The following LAMC3 variants were observed in gnomAD, a reference collection of about 807,000 sequenced individuals.
LAMC3 encodes the protein laminin subunit gamma-3.
In LAMC3, 128 loss-of-function variants were observed where a neutral mutation model predicts 173.8. The ratio of observed to expected loss-of-function variants is 0.74; its 90% CI spans 0.64 to 0.85. The LOEUF (loss-of-function observed/expected upper bound fraction) is 0.85. LAMC3 is among the 40% of genes least tolerant of loss of function. The pLI is 0.00. For synonymous variants in LAMC3, 897 were observed against 909.1 expected, an observed-to-expected ratio of 0.99 and a Z score of 0.24; for missense variants, 2,022 against 2,156.0, an observed-to-expected ratio of 0.94 and a Z score of 1.23.
At chr9:131,023,612 G>GT (rs1353622965) in intron 1 of LAMC3, among the ~76,000 whole-genome samples, 2 of 152,024 alleles carry the variant, frequency 1.3e-5, no homozygotes, top group East Asian at 1.9e-4. Context: ...TGCCATTTTT[G>GT]TTTTTTCTTT....
At chr9:131,034,459 G>C (rs961615448) in intron 3 of LAMC3, among the ~76,000 whole-genome samples, 1 of 152,256 alleles carries the variant, frequency 6.6e-6, no homozygotes, top group Non-Finnish European at 1.5e-5. Context: ...AGCGGTTGGT[G>C]ATTCGTCAAC....
At chr9:131,019,451 T>A (rs1038188515) in intron 1 of LAMC3, among the ~76,000 whole-genome samples, 13 of 152,130 alleles carry the variant, frequency 8.5e-5, no homozygotes, top group African/African-American at 2.4e-4. Context: ...GAGTTTATAA[T>A]CCAGTGAGAG....
chr9:131,065,905 A>G (rs1829924423), intron 13 of LAMC3, among the ~76,000 whole-genome samples: 1 of 150,084 alleles, frequency 6.7e-6, no homozygotes, highest in Non-Finnish European at 1.5e-5. Context: ...GATGATGAAG[A>G]TGATGGTCAG....
At chr9:131,019,325 T>C (rs1024174158) in intron 1 of LAMC3, among the ~76,000 whole-genome samples, 1 of 152,200 alleles carries the variant, frequency 6.6e-6, no homozygotes, top group African/African-American at 2.4e-5. Context: ...TAACCTCCCC[T>C]TGGGGCAGGT....
Position 131,076,268 on chromosome 9 carries a change from C to T in LAMC3, c.3629+303C>T, listed in dbSNP as rs890761190. Among the ~76,000 whole-genome samples the T allele has an allele frequency of 3.9e-5, 6 of 152,272 alleles. No homozygotes were observed. The East Asian group carries it at 9.7e-4, about 25-fold the overall frequency. The stretch of plus-strand genomic sequence containing the variant: ...CTCCTTCTGCCGCATTCCCTGACCC[C>T]CCTGGCCCCGGCGCCCCAGCCCAGG... On this transcript the variant is annotated intron_variant, in intron 21 of 27. Coordinates refer to ENST00000361069, the MANE Select transcript of LAMC3 (RefSeq NM_006059.4).
chr9:131,061,966 G>A (rs1829835548), intron 13 of LAMC3, among the ~76,000 whole-genome samples: 1 of 152,190 alleles, frequency 6.6e-6, no homozygotes, highest in Non-Finnish European at 1.5e-5. Context: ...TGGGAGGATG[G>A]TTTGAGCCCG....
chr9:131,045,231 A>AAC (rs1554786032), intron 7 of LAMC3, among the ~76,000 whole-genome samples: 5 of 117,786 alleles, frequency 4.2e-5, no homozygotes, highest in African/African-American at 7.5e-5. Context: ...CAAAAAAAAA[A>AAC]AAAAACAACA....
chr9:131,076,638 G>A (rs1229487108), intron 21 of LAMC3, among the ~76,000 whole-genome samples: 1 of 152,180 alleles, frequency 6.6e-6, no homozygotes, highest in Non-Finnish European at 1.5e-5. Context: ...TGTCGAGGAA[G>A]AATGGGTGGG....
At chr9:131,088,927 T>C (rs1554723707) in intron 27 of LAMC3, among the ~76,000 whole-genome samples, 1 of 151,408 alleles carries the variant, frequency 6.6e-6, no homozygotes, top group Non-Finnish European at 1.5e-5. Flanking sequence ...TCTAAAGATA[T>C]AAAAAAAATT....
chr9:131,021,210 A>AAAGCAGT (rs1338845408), intron 1 of LAMC3: 4 of 152,362 alleles, frequency 2.6e-5, no homozygotes, highest in African/African-American at 7.2e-5. Context: ...CAGAAAGCAG[A>AAAGCAGT]AAGCAGTCAG....
intron 10 of LAMC3, 73 bp downstream of exon 10, chr9:131,052,756 A>T: frequency 3.5e-6 from 5 of 1,430,318 alleles, no homozygotes; most frequent in Non-Finnish European, 4.9e-6. Flanking sequence ...CACATTTCAG[A>T]TGCCCCTGTA....
chr9:131,049,041 G>C lies in LAMC3; in HGVS notation c.1541G>C (p.Arg514Thr). ...CTAGGAGCCGAAGGCTGGTGGGCCA[G>C]AAGTGTGGGGGGCTCTGAGCACCCC... ...FHQGAEGWWA[R>T]SVGGSEHPPQ... is the part of the protein sequence containing the mutation. The change falls in exon 9 of 28, where the codon AGA (arginine) becomes ACA (threonine). Residue 514 changes from arginine to threonine, a missense_variant. Transcript: ENST00000361069. 6.4e-7 allele frequency: 1 copy of C among 1,551,218 alleles called. No individual in the cohort carries two copies. The highest frequency in any genetic ancestry group is 8.7e-7 in the Non-Finnish European group (1 of 1,146,684).
At chr9:131,065,900 TGAAGATGATGGTCAG>T (rs764221250) in intron 13 of LAMC3, among the ~76,000 whole-genome samples, 52 of 148,822 alleles carry the variant, frequency 3.5e-4, no homozygotes, top group Admixed American at 1.1e-3. Context: ...AAGATGATGA[TGAAGATGATGGTCAG>T]GATGATGATG....
chr9:131,086,365 A>G (rs1472538993), intron 25 of LAMC3, among the ~76,000 whole-genome samples: 1 of 148,218 alleles, frequency 6.7e-6, no homozygotes, highest in Non-Finnish European at 1.5e-5. Flanking sequence ...GGTGTGAGCC[A>G]CTGCACCCAG....
chr9:131,079,883 CCATT>C (rs1830206764), intron 23 of LAMC3, among the ~76,000 whole-genome samples: 1 of 152,116 alleles, frequency 6.6e-6, no homozygotes, highest in South Asian at 2.1e-4. Context: ...TCTCATGCCT[CCATT>C]CATTAGTTCA....
chr9:131,076,454 A>T (rs1830128600), intron 21 of LAMC3, among the ~76,000 whole-genome samples: 2 of 152,132 alleles, frequency 1.3e-5, no homozygotes, highest in African/African-American at 4.8e-5. Context: ...TTCCTAAACG[A>T]GACATTCCTA....
intron 1 of LAMC3, among the ~76,000 whole-genome samples, chr9:131,022,127 C>A (rs1002982473): frequency 2.6e-5 from 4 of 152,020 alleles, no homozygotes; most frequent in Non-Finnish European, 1.5e-5. Context: ...AAGGCAGAGG[C>A]CTGCCCCTGA....
At chr9:131,012,062 T>TACACACAC (rs33965311) in intron 1 of LAMC3, among the ~76,000 whole-genome samples, 20,662 of 138,350 alleles carry the variant, frequency 0.15, 1,763 homozygotes, top group South Asian at 0.35. Flanking sequence ...CACACACACA[T>TACACACAC]ACACACACAC....
At chr9:131,039,683 C>T (rs1373722022) in intron 6 of LAMC3, among the ~76,000 whole-genome samples, 1 of 151,808 alleles carries the variant, frequency 6.6e-6, no homozygotes, top group African/African-American at 2.4e-5. Context: ...AGAGGGAGAG[C>T]AGGGCAGATT....
Sources: gnomAD v4.1 joint callset for allele counts (sites outside exome capture counted in the v4.1 genomes callset) on GRCh38, gnomAD v4.1.1 for gene constraint, MANE v1.5 for transcripts, NCBI Gene and HGNC (gene_info 2026-07-23, HGNC 2026-07-21) for gene names.